The following CHRM3 variants were observed in gnomAD, a reference collection of about 807,000 sequenced individuals.
CHRM3 encodes cholinergic receptor muscarinic 3.
Under a neutral mutation model 41.8 loss-of-function variants are expected in CHRM3, and 11 were observed. The ratio of observed to expected loss-of-function variants is 0.26; its 90% CI spans 0.17 to 0.44. The LOEUF is 0.44. Among genes scored for constraint, CHRM3 ranks in the 20% least tolerant of loss-of-function variants. The probability of loss-of-function intolerance (pLI) is 1.00; values close to 1 mark genes in which losing one functional copy is unlikely to be tolerated. For synonymous variants in CHRM3, 297 were observed against 301.4 expected, an observed-to-expected ratio of 0.99 and a Z score of 0.15; for missense variants, 571 against 745.4, an observed-to-expected ratio of 0.77 and a Z score of 2.72.
chr1:239,632,002 C>A (rs1209862475), intron 3 of CHRM3, among the ~76,000 whole-genome samples: 1 of 152,182 alleles, frequency 6.6e-6, no homozygotes, highest in African/African-American at 2.4e-5. Context: ...AGATACATTT[C>A]TTTTCCAGTG....
intron 6 of CHRM3, among the ~76,000 whole-genome samples, chr1:239,852,358 C>T (rs771803506): frequency 3.3e-5 from 5 of 152,060 alleles, no homozygotes; most frequent in Admixed American, 3.3e-4. Context: ...GCTGTGTGCC[C>T]CTCTGGAAAC....
At chr1:239,485,830 C>T (rs1667152377) in intron 1 of CHRM3, among the ~76,000 whole-genome samples, 1 of 152,150 alleles carries the variant, frequency 6.6e-6, no homozygotes, top group Admixed American at 6.6e-5. Flanking sequence ...ATTGCTCTTC[C>T]ACCTAATGTT....
intron 3 of CHRM3, among the ~76,000 whole-genome samples, chr1:239,571,935 T>C (rs934614284): frequency 5.9e-5 from 9 of 152,190 alleles, no homozygotes; most frequent in Non-Finnish European, 1.0e-4. Context: ...TGACTTCTTT[T>C]CCCAAGCCCT....
intron 5 of CHRM3, among the ~76,000 whole-genome samples, chr1:239,768,791 G>A (rs1667427809): frequency 6.7e-6 from 1 of 149,192 alleles, no homozygotes. Context: ...TTGAGATGGA[G>A]TCTCTCTCAG....
intron 3 of CHRM3, among the ~76,000 whole-genome samples, chr1:239,596,639 T>G (rs1037563904): frequency 3.3e-5 from 5 of 152,182 alleles, no homozygotes; most frequent in Non-Finnish European, 7.4e-5. Flanking sequence ...TAGTTTTAAA[T>G]CAGAGAATGG....
At chr1:239,861,190 A>G (rs1277772811) in intron 6 of CHRM3, among the ~76,000 whole-genome samples, 1 of 152,198 alleles carries the variant, frequency 6.6e-6, no homozygotes, top group Non-Finnish European at 1.5e-5. Context: ...TATGAAGCTT[A>G]TAAAGGAAAA....
intron 4 of CHRM3, among the ~76,000 whole-genome samples, chr1:239,669,556 G>C (rs1166543833): frequency 6.6e-6 from 1 of 152,080 alleles, no homozygotes; most frequent in Non-Finnish European, 1.5e-5. Flanking sequence ...TTCAGGTCTT[G>C]ACCTACACGT....
intron 6 of CHRM3, among the ~76,000 whole-genome samples, chr1:239,906,422 A>G (rs1679970213): frequency 6.6e-6 from 1 of 152,142 alleles, no homozygotes; most frequent in South Asian, 2.1e-4. Flanking sequence ...TGATTTGCTT[A>G]TCTAGTGTAC....
At chr1:239,896,079 A>G (rs931862846) in intron 6 of CHRM3, among the ~76,000 whole-genome samples, 2 of 152,224 alleles carry the variant, frequency 1.3e-5, no homozygotes, top group Non-Finnish European at 2.9e-5. Context: ...TCAAGGCACA[A>G]ACTTGAGTAG....
At chr1:239,845,550 T>A (rs1025836289) in intron 6 of CHRM3, among the ~76,000 whole-genome samples, 2 of 152,220 alleles carry the variant, frequency 1.3e-5, no homozygotes, top group African/African-American at 4.8e-5. Context: ...CTGTGGCGTG[T>A]CACCCGCCCA....
chr1:239,775,710 A>G (rs1668036528), intron 5 of CHRM3, among the ~76,000 whole-genome samples: 1 of 152,220 alleles, frequency 6.6e-6, no homozygotes, highest in Non-Finnish European at 1.5e-5. Context: ...TATGAGACAC[A>G]CTAGAATGTG....
chr1:239,660,622 C>T lies in CHRM3; in HGVS notation c.-249-17564C>T, dbSNP rs527758467. On this transcript the variant is annotated intron_variant, in intron 4 of 6. Transcript: ENST00000676153. The stretch of plus-strand genomic sequence containing the variant: ...ACATGGCCAGGCACAGTGGCTCATG[C>T]GTGTAATCCCTGTACTTTGGGAGGC... Among the ~76,000 whole-genome samples the T allele has an allele frequency of 8.5e-5, 13 of 152,226 alleles. No homozygotes were observed. In the East Asian group the frequency reaches 1.4e-3, roughly 16 times the overall value.
intron 1 of CHRM3, among the ~76,000 whole-genome samples, chr1:239,480,017 C>T (rs1666727836): frequency 6.6e-6 from 1 of 152,180 alleles, no homozygotes; most frequent in Admixed American, 6.5e-5. Flanking sequence ...TTTTCAGCTC[C>T]ATTATAATCT....
chr1:239,559,374 C>A (rs1388930856), intron 3 of CHRM3, among the ~76,000 whole-genome samples: 1 of 152,086 alleles, frequency 6.6e-6, no homozygotes, highest in Non-Finnish European at 1.5e-5. Context: ...TACTTAAATC[C>A]TTGTGTTTAA....
intron 2 of CHRM3, among the ~76,000 whole-genome samples, chr1:239,500,434 G>C (rs1245008286): frequency 6.6e-6 from 1 of 150,502 alleles, no homozygotes; most frequent in Admixed American, 6.7e-5. Flanking sequence ...CTTGGACACA[G>C]GAAAGGGAAC....
At chr1:239,427,506 A>C (rs555896730) in intron 1 of CHRM3, among the ~76,000 whole-genome samples, 8 of 152,156 alleles carry the variant, frequency 5.3e-5, no homozygotes, top group Admixed American at 4.6e-4. Flanking sequence ...CCTGGGGAAT[A>C]TACATGCTGA....
intron 5 of CHRM3, among the ~76,000 whole-genome samples, chr1:239,716,250 A>AC (rs1662352667): frequency 2.0e-5 from 3 of 152,066 alleles, no homozygotes; most frequent in African/African-American, 7.2e-5. Context: ...GAGGTTGTAG[A>AC]ACTGATGGAG....
At position 239,508,492 on chromosome 1, in the gene CHRM3, T is replaced by G. The variant is rs571930969; in HGVS notation, c.-422+15685T>G. Among the ~76,000 whole-genome samples, 13 of 152,360 alleles carry G rather than the reference T, an allele frequency of 8.5e-5. No homozygotes were observed. The East Asian group carries it at 2.5e-3, about 29-fold the overall frequency. ...TTTGTTATTTGCAATTTAATACTTG[T>G]AATATTCTTTTCTATGGTTTAAATT... On this transcript the variant is annotated intron_variant, in intron 2 of 6. Transcript: ENST00000676153.
At chr1:239,768,100 G>A (rs1295115144) in intron 5 of CHRM3, among the ~76,000 whole-genome samples, 1 of 152,150 alleles carries the variant, frequency 6.6e-6, no homozygotes, top group Non-Finnish European at 1.5e-5. Context: ...GAAAGACTGA[G>A]CAAAACAGGC....
Sources: allele counts gnomAD v4.1 joint callset (sites outside exome capture counted in the v4.1 genomes callset), GRCh38; gene constraint gnomAD v4.1.1; transcripts MANE v1.5; gene names NCBI Gene and HGNC (gene_info 2026-07-23, HGNC 2026-07-21).